Variants in PDE1C observed in about 807,000 individuals in gnomAD.
PDE1C encodes dual specificity calcium/calmodulin-dependent 3',5'-cyclic nucleotide phosphodiesterase 1C.
In PDE1C, 62 loss-of-function variants were observed where a neutral mutation model predicts 93.1. The observed-to-expected ratio is 0.67, with a 90% CI of 0.54 to 0.82. The LOEUF (loss-of-function observed/expected upper bound fraction) is 0.82. PDE1C is among the 40% of genes least tolerant of loss of function. The probability of loss-of-function intolerance (pLI) is 0.00; values close to 1 mark genes in which losing one functional copy is unlikely to be tolerated. For missense variants in PDE1C, 742 were observed against 884.6 expected (o/e 0.84, Z 2.04); for synonymous variants, 325 against 310.1 (o/e 1.05, Z -0.50).
the PDE1C span, among the ~76,000 whole-genome samples, chr7:31,623,071 G>A: frequency 1.3e-5 from 2 of 152,180 alleles, no homozygotes; most frequent in Non-Finnish European, 2.9e-5. Flanking sequence ...TTGAATCTCT[G>A]AATAGGCCAA....
intron 2 of PDE1C, among the ~76,000 whole-genome samples, chr7:31,986,135 A>G (rs1783369574): frequency 6.6e-6 from 1 of 151,786 alleles, no homozygotes; most frequent in African/African-American, 2.4e-5. Flanking sequence ...CAGTTCTGGG[A>G]ACTAGACGTC....
Position 31,823,160 on chromosome 7 carries a change from T to C in PDE1C, c.1495A>G (p.Ile499Val), listed in dbSNP as rs544154041. Residue 499 changes from isoleucine to valine, a missense_variant, in exon 14 of 18, where the codon ATC (isoleucine) becomes GTC (valine). Physicochemically the swap from Ile to Val is conservative, Grantham distance 29 (BLOSUM62 3). Around this residue, in one of 4 missense-constraint regions of PDE1C, gnomAD observed 454 missense variants for 459.4 expected, o/e 0.99. Transcript: ENST00000396191. ...EGSAPINNSVISVDYKSFKAT... is the reference protein window; with the variant it reads ...EGSAPINNSVVSVDYKSFKAT... Reference sequence around the variant, plus strand: ...TTAAAGCTCTTATAGTCAACGGAGATGACAGAATTGTTGATCGGGGCACTT... The same window carrying C: ...TTAAAGCTCTTATAGTCAACGGAGACGACAGAATTGTTGATCGGGGCACTT... The C allele has an allele frequency of 9.2e-5, 148 of 1,613,316 alleles. No individual in the cohort carries two copies. In the Admixed American group the frequency reaches 2.4e-3, roughly 26 times the overall value.
At chr7:31,849,764 G>C (rs1323771234) in intron 8 of PDE1C, among the ~76,000 whole-genome samples, 1 of 151,994 alleles carries the variant, frequency 6.6e-6, no homozygotes, top group Non-Finnish European at 1.5e-5. Flanking sequence ...TGATTACTAT[G>C]TCAAGGATAA....
chr7:32,408,754 A>T (rs922430920), intron 1 of PDE1C, among the ~76,000 whole-genome samples: 1 of 152,122 alleles, frequency 6.6e-6, no homozygotes, highest in Non-Finnish European at 1.5e-5. Context: ...ATGCTGCTGC[A>T]CTCCAGCCTG....
At chr7:31,999,668 G>A (rs929036212) in intron 2 of PDE1C, among the ~76,000 whole-genome samples, 7 of 152,204 alleles carry the variant, frequency 4.6e-5, no homozygotes, top group African/African-American at 1.7e-4. Flanking sequence ...CTTTAGGCAA[G>A]AGACAGATGA....
In PDE1C at chr7:32,010,130, A is replaced by G. The variant is rs185516277; in HGVS notation, c.128+41424T>C. On this transcript the variant is annotated intron_variant, in intron 2 of 17. Coordinates refer to ENST00000396191, the MANE Select transcript of PDE1C (RefSeq NM_001191057.4). ...ATCTATGATTCAGTACAATCCAGCTATAACAACTGACAAACTGATTCTAAA... is the reference window on the plus strand; with the variant it reads ...ATCTATGATTCAGTACAATCCAGCTGTAACAACTGACAAACTGATTCTAAA... 4.0e-3 allele frequency among the ~76,000 whole-genome samples: 610 copies of G among 152,336 alleles called. 2 individuals carry two copies. Among genetic ancestry groups the G allele is most frequent in the Non-Finnish European group, 6.7e-3 (456 of 68,026 alleles).
chr7:31,761,015 T>G (rs1012538423), intron 17 of PDE1C, among the ~76,000 whole-genome samples: 3 of 69,042 alleles, frequency 4.3e-5, no homozygotes, highest in African/African-American at 1.8e-4. Flanking sequence ...TGGGACAATA[T>G]GAGATTTGAT....
intron 2 of PDE1C, among the ~76,000 whole-genome samples, chr7:31,911,933 A>G (rs144704108): frequency 4.5e-4 from 68 of 152,270 alleles, no homozygotes; most frequent in Non-Finnish European, 8.5e-4. Flanking sequence ...CCCATTGCCC[A>G]TTGGAGAATC....
At chr7:32,000,915 G>A (rs770961947) in intron 2 of PDE1C, among the ~76,000 whole-genome samples, 9 of 152,038 alleles carry the variant, frequency 5.9e-5, no homozygotes, top group African/African-American at 1.7e-4. Context: ...CCCTGAAAAG[G>A]ACTACTATTT....
intron 2 of PDE1C, among the ~76,000 whole-genome samples, chr7:32,034,065 T>A (rs1790705597): frequency 6.6e-6 from 1 of 151,706 alleles, no homozygotes; most frequent in African/African-American, 2.4e-5. Context: ...TGTGTGTGTG[T>A]GTGTGTGTGT....
chr7:32,105,602 G>A (rs1468063010), intron 3 of PDE1C, among the ~76,000 whole-genome samples: 7 of 151,966 alleles, frequency 4.6e-5, no homozygotes, highest in African/African-American at 1.2e-4. Context: ...GCAGATAAGC[G>A]TCCAGCTTCC....
At chr7:32,336,019 A>C (rs1338437282) in intron 1 of PDE1C, among the ~76,000 whole-genome samples, 2 of 152,170 alleles carry the variant, frequency 1.3e-5, no homozygotes, top group African/African-American at 4.8e-5. Flanking sequence ...CCCTATATCC[A>C]ACACAGTCAC....
the PDE1C span, among the ~76,000 whole-genome samples, chr7:31,696,621 A>G: frequency 6.6e-6 from 1 of 152,090 alleles, no homozygotes; most frequent in Admixed American, 6.6e-5. Flanking sequence ...AGGCAGAAAA[A>G]CTTGGGCTCA....
chr7:31,697,259 T>A, the PDE1C span: 1 of 1,020,074 alleles, frequency 9.8e-7, no homozygotes, highest in Non-Finnish European at 1.4e-6. Context: ...GAAGCCACAC[T>A]CAGTGCTACC....
chr7:31,997,116 A>G (rs1563163673), intron 2 of PDE1C, among the ~76,000 whole-genome samples: 1 of 152,232 alleles, frequency 6.6e-6, no homozygotes, highest in Admixed American at 6.5e-5. Flanking sequence ...AAATAACAAC[A>G]AACAGTGCTT....
chr7:32,385,009 G>A (rs1039395646), intron 1 of PDE1C, among the ~76,000 whole-genome samples: 2 of 152,200 alleles, frequency 1.3e-5, no homozygotes, highest in African/African-American at 4.8e-5. Flanking sequence ...AGTTGGATAA[G>A]TGATGATGAG....
chr7:31,715,063 A>G, the PDE1C span, among the ~76,000 whole-genome samples: 2 of 152,200 alleles, frequency 1.3e-5, no homozygotes, highest in African/African-American at 4.8e-5. Context: ...AAAAAAGCCA[A>G]TCATCGCTGA....
chr7:32,224,993 T>C (rs1807147571), intron 1 of PDE1C, among the ~76,000 whole-genome samples: 1 of 150,958 alleles, frequency 6.6e-6, no homozygotes, highest in Non-Finnish European at 1.5e-5. Flanking sequence ...GGGCATCTGA[T>C]TGGACCTTCA....
intron 17 of PDE1C, among the ~76,000 whole-genome samples, chr7:31,760,680 T>A (rs1454066520): frequency 2.0e-5 from 3 of 151,926 alleles, no homozygotes; most frequent in African/African-American, 7.3e-5. Context: ...TATCTGTTTT[T>A]TCTCTTTCAA....
Sources: allele counts gnomAD v4.1 joint callset (sites outside exome capture counted in the v4.1 genomes callset), GRCh38; gene constraint gnomAD v4.1.1; regional missense constraint gnomAD v4.1.1; transcripts MANE v1.5; gene names NCBI Gene and HGNC (gene_info 2026-07-23, HGNC 2026-07-21).